Variants in RBFOX1 observed in about 807,000 individuals in gnomAD.
The protein encoded by RBFOX1 is RNA binding protein fox-1 homolog 1.
In RBFOX1, 8 loss-of-function variants were observed where a neutral mutation model predicts 57.7. The ratio of observed to expected loss-of-function variants is 0.14; its 90% CI spans 0.08 to 0.25. The LOEUF (loss-of-function observed/expected upper bound fraction) is 0.25. Ranked by LOEUF, RBFOX1 falls within the 10% of genes least tolerant of loss-of-function variation. The pLI is 1.00. For synonymous variants in RBFOX1, 326 were observed against 222.4 expected, an observed-to-expected ratio of 1.47 and a Z score of -4.15; for missense variants, 611 against 548.5, an observed-to-expected ratio of 1.11 and a Z score of -1.14.
chr16:6,867,738 A>C (rs1603634406), intron 3 of RBFOX1, among the ~76,000 whole-genome samples: 1 of 152,220 alleles, frequency 6.6e-6, no homozygotes, highest in East Asian at 1.9e-4. Flanking sequence ...TCCAACAGAT[A>C]TTTATCAGTT....
Position 6,524,296 on chromosome 16 carries a change from C to T in RBFOX1, c.-63-130307C>T, listed in dbSNP as rs544511084. On this transcript the variant is annotated intron_variant, in intron 2 of 15. Transcript: ENST00000550418. ...TCACTTAACACAATGATCTCCAGTT[C>T]ATTCTGTGTTGTTGCAAATGACTGT... Among the ~76,000 whole-genome samples, 3 of 152,286 alleles carry T rather than the reference C, an allele frequency of 2.0e-5. No individual in the cohort carries two copies. The Middle Eastern group carries it at 0.01, about 518-fold the overall frequency.
chr16:5,424,875 T>TC (rs1555514727), intron 1 of RBFOX1, among the ~76,000 whole-genome samples: 4 of 76,828 alleles, frequency 5.2e-5, no homozygotes, highest in East Asian at 9.2e-4. Context: ...TCTTTCTTTT[T>TC]TTTCTTTCTT....
chr16:7,428,917 A>C (rs1054954840), intron 4 of RBFOX1, among the ~76,000 whole-genome samples: 2 of 152,172 alleles, frequency 1.3e-5, no homozygotes, highest in Non-Finnish European at 2.9e-5. Flanking sequence ...TCACATCTGC[A>C]CATGTAGGTC....
intron 5 of RBFOX1, among the ~76,000 whole-genome samples, chr16:7,546,181 G>A (rs537530797): frequency 2.6e-5 from 4 of 152,008 alleles, no homozygotes; most frequent in African/African-American, 9.6e-5. Flanking sequence ...ATAAAAATCA[G>A]CCAGGCATGG....
chr16:6,422,879 C>G (rs2093815303), intron 2 of RBFOX1, among the ~76,000 whole-genome samples: 1 of 152,194 alleles, frequency 6.6e-6, no homozygotes, highest in East Asian at 1.9e-4. Context: ...ATGTCAAATG[C>G]TTAGCTCCTA....
intron 3 of RBFOX1, among the ~76,000 whole-genome samples, chr16:6,904,465 G>C (rs1480972589): frequency 6.6e-6 from 1 of 151,902 alleles, no homozygotes; most frequent in East Asian, 1.9e-4. Flanking sequence ...GCTAGGTGTG[G>C]TGGTGGGTGC....
chr16:5,911,080 C>T (rs569837070), intron 4 of RBFOX1, among the ~76,000 whole-genome samples: 89 of 152,292 alleles, frequency 5.8e-4, no homozygotes, highest in African/African-American at 2.0e-3. Context: ...TTAGCATCTG[C>T]TTCTAGGGGA....
At chr16:6,929,402 C>T (rs548330124) in intron 3 of RBFOX1, among the ~76,000 whole-genome samples, 1 of 152,244 alleles carries the variant, frequency 6.6e-6, no homozygotes, top group African/African-American at 2.4e-5. Context: ...CATCCACAAG[C>T]AGTATTGATG....
chr16:7,167,207 A>C (rs59032339), intron 4 of RBFOX1, among the ~76,000 whole-genome samples: 1 of 151,202 alleles, frequency 6.6e-6, no homozygotes, highest in Admixed American at 6.6e-5. Context: ...GCTGGTCTCA[A>C]ACTCCTGACC....
At chr16:6,315,861 G>A (rs1228159008) in intron 1 of RBFOX1, among the ~76,000 whole-genome samples, 1 of 152,020 alleles carries the variant, frequency 6.6e-6, no homozygotes, top group Non-Finnish European at 1.5e-5. Flanking sequence ...CTCACCAGAT[G>A]TGAAGACTAC....
At chr16:5,740,599 A>G (rs2052738102) in intron 3 of RBFOX1, among the ~76,000 whole-genome samples, 1 of 152,212 alleles carries the variant, frequency 6.6e-6, no homozygotes, top group Admixed American at 6.5e-5. Flanking sequence ...AATATCCAGG[A>G]GAAGCTGTGG....
chr16:7,016,464 A>G (rs2093918711), intron 3 of RBFOX1, among the ~76,000 whole-genome samples: 1 of 152,148 alleles, frequency 6.6e-6, no homozygotes. Flanking sequence ...TTGTTTCGGG[A>G]CGTAACCTAA....
Position 7,709,064 on chromosome 16 carries a change from G to C in RBFOX1, c.1004G>C (p.Arg335Pro). ...CTCTATTTTCCTTTCAGTTACGGAC[G>C]AGTTTATGCTGCCGACCCCTACCAC... ...TAAAYSDSYG[R>P]VYAADPYHHA... Residue 335 changes from arginine (R) to proline (P), a missense_variant, in exon 15 of 16, where the codon CGA becomes CCA. Physicochemically the swap from Arg to Pro is moderately radical, Grantham distance 103 (BLOSUM62 -2). Coordinates refer to ENST00000550418, the MANE Select transcript of RBFOX1 (RefSeq NM_018723.4). 1 of 1,613,468 alleles carries C rather than the reference G, an allele frequency of 6.2e-7. No individual in the cohort carries two copies.
intron 4 of RBFOX1, among the ~76,000 whole-genome samples, chr16:5,990,697 G>T (rs1025406564): frequency 6.6e-6 from 1 of 151,524 alleles, no homozygotes; most frequent in East Asian, 2.0e-4. Flanking sequence ...GCCAGGCACA[G>T]TGGCTCACGC....
At chr16:5,518,458 A>C (rs2043878733) in intron 2 of RBFOX1, among the ~76,000 whole-genome samples, 1 of 152,230 alleles carries the variant, frequency 6.6e-6, no homozygotes, top group African/African-American at 2.4e-5. Flanking sequence ...CTTGGCAACA[A>C]GGAGATTGTA....
rs1217636307 is a variant in RBFOX1, at chr16:6,316,999, C to G, written c.-122C>G. 2.6e-6 allele frequency: 4 copies of G among 1,535,060 alleles called. No homozygotes were observed. The Admixed American group carries it at 5.9e-5, about 23-fold the overall frequency. ...ATTCCCCTTTTTCTTCTTTAGGAAA[C>G]TGGTCAAAGAACTCATGCAAGTGGA... On this transcript the variant is annotated 5_prime_UTR_variant, in exon 2 of 16. Transcript: ENST00000550418.
At chr16:6,938,424 A>C (rs1182277957) in intron 3 of RBFOX1, among the ~76,000 whole-genome samples, 2 of 152,224 alleles carry the variant, frequency 1.3e-5, no homozygotes, top group Non-Finnish European at 2.9e-5. Context: ...TAACTGTTAC[A>C]CTGTTGCTGT....
intron 2 of RBFOX1, among the ~76,000 whole-genome samples, chr16:6,505,932 G>C (rs2096076337): frequency 6.6e-6 from 1 of 152,144 alleles, no homozygotes; most frequent in African/African-American, 2.4e-5. Flanking sequence ...AGTTGAGTGG[G>C]GTCAGGAGAG....
chr16:5,837,162 T>G (rs567064554), intron 3 of RBFOX1, among the ~76,000 whole-genome samples: 8 of 152,164 alleles, frequency 5.3e-5, no homozygotes, highest in African/African-American at 1.9e-4. Context: ...ATCCTGCCAC[T>G]TTCATGATCC....
Sources: gnomAD v4.1 joint callset for allele counts (sites outside exome capture counted in the v4.1 genomes callset) on GRCh38, gnomAD v4.1.1 for gene constraint, MANE v1.5 for transcripts, NCBI Gene and HGNC (gene_info 2026-07-23, HGNC 2026-07-21) for gene names.